The following UBE2J2 variants were observed in gnomAD, a reference collection of about 807,000 sequenced individuals.
The protein encoded by UBE2J2 is ubiquitin-conjugating enzyme E2 J2.
Under a neutral mutation model 28.6 loss-of-function variants are expected in UBE2J2, and 5 were observed. The observed-to-expected ratio is 0.17, with a 90% confidence interval of 0.09 to 0.37. The LOEUF is 0.37. Ranked by LOEUF, UBE2J2 falls within the 10% of genes least tolerant of loss-of-function variation. The probability of loss-of-function intolerance (pLI) is 1.00; values close to 1 mark genes in which losing one functional copy is unlikely to be tolerated. For missense variants in UBE2J2, 226 were observed against 338.9 expected, an observed-to-expected ratio of 0.67 and a Z score of 2.62; for synonymous variants, 138 against 139.7, an observed-to-expected ratio of 0.99 and a Z score of 0.09.
rs780912135 is a variant in UBE2J2 at position 1,257,316 on chromosome 1, T to C, written c.173-6A>G. ...TTTTCCATGATAATAGCCACCTACA[T>C]GGAAACAAAACAGAAAGGGCCTTGT... On this transcript the variant is annotated splice_polypyrimidine_tract_variant and splice_region_variant and intron_variant, in intron 3 of 6. Transcript: ENST00000349431. 1.1e-5 allele frequency: 18 copies of C among 1,587,854 alleles called. No individual in the cohort carries two copies. The highest frequency in any genetic ancestry group is 2.2e-5 in the South Asian group (2 of 90,120).
At chr1:1,260,518 T>G (rs1639494459) in intron 3 of UBE2J2, among the ~76,000 whole-genome samples, 1 of 152,178 alleles carries the variant, frequency 6.6e-6, no homozygotes, top group South Asian at 2.1e-4. Context: ...CCCAGACGGC[T>G]ATCCCACTGC....
At position 1,268,082 on chromosome 1, in the gene UBE2J2, C is replaced by T; in HGVS notation, c.1-90G>A. 2.6e-6 allele frequency: 4 copies of T among 1,552,800 alleles called. No individual in the cohort carries two copies. The South Asian group carries it at 3.4e-5, about 13-fold the overall frequency. On this transcript the variant is annotated intron_variant, in intron 1 of 6. Coordinates refer to ENST00000349431, the MANE Select transcript of UBE2J2 (RefSeq NM_058167.3). This position sits in a 1 kb window ranked among gnomAD's most constrained non-coding sequence, Gnocchi z 4.7. The stretch of plus-strand genomic sequence containing the variant: ...GCAGCCCCACTCCCGCCTCTGCAGC[C>T]CGCCATTCATTCAGGGCCCGGTCAC...
chr1:1,265,873 T>A lies in UBE2J2; in HGVS notation c.131+1989A>T, dbSNP rs549939572. 2.0e-5 allele frequency among the ~76,000 whole-genome samples: 3 copies of A among 152,172 alleles called. No homozygotes were observed. In the East Asian group the frequency reaches 5.8e-4, roughly 29 times the overall value. On this transcript the variant is annotated intron_variant, in intron 2 of 6. Transcript: ENST00000349431. Reference sequence around the variant, plus strand: ...TGGTCTCAATCTCCTGACCTTGTGATCCACCCACCTCGGCCTCCCAAAGTG... The same window carrying A: ...TGGTCTCAATCTCCTGACCTTGTGAACCACCCACCTCGGCCTCCCAAAGTG...
At position 1,257,299 on chromosome 1, in the gene UBE2J2, G is replaced by A. The variant is rs1369845044; in HGVS notation, c.184C>T (p.His62Tyr). ...TCTCTGGGAAAAATTAGTTTTCCAT[G>A]ATAATAGCCACCTACATGGAAACAA... ...EMTPYEGGYY[H>Y]GKLIFPREFP... Residue 62 changes from histidine to tyrosine, a missense_variant, in exon 4 of 7, where the codon CAT becomes TAT. This residue lies in a region of UBE2J2 where 80 missense variants were observed against 114.5 expected (regional missense o/e 0.70). Coordinates refer to ENST00000349431, the MANE Select transcript of UBE2J2 (RefSeq NM_058167.3). 1 of 1,607,296 alleles carries A rather than the reference G, an allele frequency of 6.2e-7. No homozygotes were observed. Among genetic ancestry groups the A allele is most frequent in the South Asian group, 1.1e-5 (1 of 90,862 alleles).
At chr1:1,266,194 C>T (rs1488981895) in intron 2 of UBE2J2, 33 of 1,286,682 alleles carry the variant, frequency 2.6e-5, no homozygotes, top group Middle Eastern at 2.2e-4. Flanking sequence ...GGGTATCCTC[C>T]GCCTGCCTGG....
At chr1:1,256,811 C>T (rs1362770532) in intron 5 of UBE2J2, among the ~76,000 whole-genome samples, 181 bp downstream of exon 5, 4 of 145,124 alleles carry the variant, frequency 2.8e-5, no homozygotes, top group African/African-American at 7.8e-5. Flanking sequence ...GCGTGAACCC[C>T]GGGGGGCGGA....
At chr1:1,262,209 C>T (rs947512456) in intron 3 of UBE2J2, 2 of 411,276 alleles carry the variant, frequency 4.9e-6, no homozygotes, top group Non-Finnish European at 4.9e-6. Flanking sequence ...AAGGCACACA[C>T]ACGCATCGTA....
rs1343873053 is a variant in UBE2J2 at position 1,268,124 on chromosome 1, C to T, written c.1-132G>A. The T allele has an allele frequency of 4.7e-6, 6 of 1,288,630 alleles. No individual in the cohort carries two copies. The highest frequency in any genetic ancestry group is 2.7e-5 in the South Asian group (2 of 75,294). The allele number at this position is 1,288,630 out of a possible 1,614,324, so 79.8% of individuals were successfully genotyped here. ...CCCGGTCACCCAGAGTCACAGCTCA[C>T]AGGTCACCCTCGCTTGCCACCCGCC... On this transcript the variant is annotated intron_variant, in intron 1 of 6. Transcript: ENST00000349431. This position sits in a 1 kb window ranked among gnomAD's most constrained non-coding sequence, Gnocchi z 4.7.
In UBE2J2 at chr1:1,257,118, A is replaced by T. The variant is rs528743679; in HGVS notation, c.288T>A (p.Ser96=). The T allele has an allele frequency of 6.2e-7, 1 of 1,611,736 alleles. No individual in the cohort carries two copies. The highest frequency in any genetic ancestry group is 1.7e-5 in the Admixed American group (1 of 59,666). ...RFKCNTRLCL[S]ITDFHPDTWN... ...ACGTGTCCGGGTGGAAATCCGTGATAGAAAGACACAGCCTGCAAAACGGGG... is the reference window on the plus strand; with the variant it reads ...ACGTGTCCGGGTGGAAATCCGTGATTGAAAGACACAGCCTGCAAAACGGGG... The change falls in exon 5 of 7, where the codon TCT becomes TCA. Residue 96 remains serine (S), a synonymous_variant. Coordinates refer to ENST00000349431, the MANE Select transcript of UBE2J2 (RefSeq NM_058167.3).
chr1:1,256,910 AAG>A, intron 5 of UBE2J2, 80 bp downstream of exon 5: 2 of 1,158,878 alleles, frequency 1.7e-6, no homozygotes, highest in East Asian at 2.9e-5. Flanking sequence ...AAAAAAAAAA[AAG>A]GCAGCTGCAA....
chr1:1,265,731 G>A (rs923793486), intron 2 of UBE2J2, among the ~76,000 whole-genome samples: 5 of 151,854 alleles, frequency 3.3e-5, no homozygotes, highest in Non-Finnish European at 4.4e-5. Flanking sequence ...GGGTTCAAGC[G>A]ATTCTCCTGC....
chr1:1,262,388 T>C (rs762775336), intron 3 of UBE2J2: 5 of 453,416 alleles, frequency 1.1e-5, no homozygotes, highest in Non-Finnish European at 2.2e-5. Flanking sequence ...AGAACTGGGA[T>C]TCCTGGGCCA....
chr1:1,269,226 C>T (rs1640028665), intron 1 of UBE2J2, among the ~76,000 whole-genome samples: 1 of 146,842 alleles, frequency 6.8e-6, no homozygotes, highest in Non-Finnish European at 1.5e-5. Flanking sequence ...CCCTCAGCCA[C>T]ACCCGAGACT....
At position 1,254,934 on chromosome 1, in the gene UBE2J2, A is replaced by C. The variant is rs994104933; in HGVS notation, c.*269T>G. The C allele has an allele frequency of 2.5e-6, 1 of 398,776 alleles. No homozygotes were observed. The highest frequency in any genetic ancestry group is 7.9e-5 in the South Asian group (1 of 12,638). The allele number at this position is 398,776 out of a possible 1,614,324, so 24.7% of individuals were successfully genotyped here. A position where few individuals can be genotyped will look rare whatever the true frequency, so the allele number is the denominator to read the frequency against. ...AAAACGGGTTTACTAAAACAGGTCC[A>C]AAGACAACACGGAAGATAAGCTACA... On this transcript the variant is annotated 3_prime_UTR_variant, in exon 7 of 7. Coordinates refer to ENST00000349431, the MANE Select transcript of UBE2J2 (RefSeq NM_058167.3).
At chr1:1,261,017 C>T (rs1038388786) in intron 3 of UBE2J2, among the ~76,000 whole-genome samples, 32 of 152,168 alleles carry the variant, frequency 2.1e-4, no homozygotes, top group Non-Finnish European at 4.1e-4. Flanking sequence ...ACGGAGGGGA[C>T]GCAGCTAATG....
chr1:1,269,356 G>T (rs1640035142), intron 1 of UBE2J2, among the ~76,000 whole-genome samples: 1 of 151,684 alleles, frequency 6.6e-6, no homozygotes, highest in Non-Finnish European at 1.5e-5. Flanking sequence ...GAGGAGGCTG[G>T]ATCAGGGACC....
chr1:1,264,020 A>G (rs558969909), intron 2 of UBE2J2, among the ~76,000 whole-genome samples: 2 of 152,338 alleles, frequency 1.3e-5, no homozygotes, highest in East Asian at 3.9e-4. Flanking sequence ...TTTGAAATGT[A>G]TATTCTTAAA....
chr1:1,273,586 C>T (rs1640278549), intron 1 of UBE2J2, 80 bp downstream of exon 1: 1 of 151,726 alleles, frequency 6.6e-6, no homozygotes, highest in South Asian at 2.1e-4. Context: ...CCCAGCAGCC[C>T]CGGGCCGCCG....
chr1:1,262,445 T>A (rs1242489959), intron 3 of UBE2J2: 1 of 390,242 alleles, frequency 2.6e-6, no homozygotes, highest in African/African-American at 2.1e-5. Context: ...CAAAATGCCT[T>A]CAGGAGAGCC....
Sources: allele counts gnomAD v4.1 joint callset (sites outside exome capture counted in the v4.1 genomes callset), GRCh38; gene constraint gnomAD v4.1.1; regional missense constraint gnomAD v4.1.1; non-coding constraint Gnocchi (gnomAD v3.1); transcripts MANE v1.5; gene names NCBI Gene and HGNC (gene_info 2026-07-23, HGNC 2026-07-21).